Variants in LARS1 observed in about 807,000 individuals in gnomAD.
The protein encoded by LARS1 is leucyl-tRNA synthetase 1.
In LARS1, 100 loss-of-function variants were observed where a neutral mutation model predicts 162.8. The observed-to-expected ratio is 0.61, with a 90% confidence interval of 0.52 to 0.73. The LOEUF (loss-of-function observed/expected upper bound fraction) is 0.73. LARS1 is among the 30% of genes least tolerant of loss of function. The pLI is 0.00. For missense variants in LARS1, 1,258 were observed against 1,408.9 expected (o/e 0.89, Z 1.71); for synonymous variants, 457 against 462.8 (o/e 0.99, Z 0.16).
chr5:146,149,564 T>C, intron 15 of LARS1, 58 bp downstream of exon 15: 2 of 1,192,580 alleles, frequency 1.7e-6, no homozygotes, highest in Non-Finnish European at 2.5e-6. Context: ...CTAATAACAC[T>C]GTCAAGTCTA....
At chr5:146,116,503 T>C (rs576687695) in intron 31 of LARS1, among the ~76,000 whole-genome samples, 130 of 152,340 alleles carry the variant, frequency 8.5e-4, no homozygotes, top group African/African-American at 2.9e-3. Context: ...TGTTTCACCA[T>C]GTAGTTCATT....
chr5:146,159,134 A>C (rs1013670206), intron 8 of LARS1, among the ~76,000 whole-genome samples: 3 of 151,776 alleles, frequency 2.0e-5, no homozygotes, highest in African/African-American at 7.3e-5. Context: ...CCACCCCCAG[A>C]ACTTTTGATT....
intron 5 of LARS1, among the ~76,000 whole-genome samples, chr5:146,165,910 A>T (rs571000249): frequency 6.6e-6 from 1 of 152,344 alleles, no homozygotes; most frequent in Admixed American, 6.5e-5. Context: ...CAAATAAGCC[A>T]AGGGAAAATG....
intron 28 of LARS1, among the ~76,000 whole-genome samples, chr5:146,124,503 A>C (rs1291380603): frequency 6.6e-6 from 1 of 151,896 alleles, no homozygotes; most frequent in Non-Finnish European, 1.5e-5. Flanking sequence ...CCACCTTCTT[A>C]AAGCTGTTTC....
chr5:146,144,436 T>C, intron 17 of LARS1, 36 bp downstream of exon 17: 1 of 1,600,324 alleles, frequency 6.2e-7, no homozygotes, highest in Non-Finnish European at 8.5e-7. Flanking sequence ...ATTTTTCATC[T>C]CCTTTTTCCT....
In LARS1 at chr5:146,114,225, T is replaced by C; in HGVS notation, c.3412A>G (p.Lys1138Glu). The change falls in exon 32 of 32, where the codon AAG becomes GAG. Residue 1138 changes from lysine (K) to glutamate (E), a missense_variant. Transcript: ENST00000394434. ...ACAGCATGCTCAGAAATGGGGGTCT[T>C]CTCGGTGTACTCCTTTCCCAGGACA... Reference protein sequence around the residue: ...VPVLGKEYTEKTPISEHAVFN... With the variant: ...VPVLGKEYTEETPISEHAVFN... The C allele has an allele frequency of 6.2e-7, 1 of 1,613,890 alleles. No individual in the cohort carries two copies. Among genetic ancestry groups the C allele is most frequent in the South Asian group, 1.1e-5 (1 of 91,036 alleles).
intron 15 of LARS1, among the ~76,000 whole-genome samples, chr5:146,148,792 T>C (rs533944443): frequency 1.3e-5 from 2 of 152,008 alleles, no homozygotes; most frequent in East Asian, 3.9e-4. Context: ...GAGATGGAGA[T>C]TAGCCGGGCA....
At chr5:146,165,936 T>C (rs868823150) in intron 5 of LARS1, among the ~76,000 whole-genome samples, 8 of 152,300 alleles carry the variant, frequency 5.3e-5, no homozygotes, top group African/African-American at 1.9e-4. Flanking sequence ...ATGAGACCCA[T>C]GGTGCTAAAA....
intron 14 of LARS1, among the ~76,000 whole-genome samples, chr5:146,151,425 G>A (rs1753284106): frequency 6.6e-6 from 1 of 152,070 alleles, no homozygotes; most frequent in African/African-American, 2.4e-5. Flanking sequence ...GAAAAGAATG[G>A]TTCAGAACAT....
chr5:146,152,096 C>G, intron 13 of LARS1, 94 bp from the exon 14 acceptor site: 1 of 1,314,106 alleles, frequency 7.6e-7, no homozygotes, highest in Non-Finnish European at 1.1e-6. Context: ...CCAATTAAGT[C>G]ATTTCAGATT....
rs922071962 is a variant in LARS1 at position 146,114,317 on chromosome 5, A to G, written c.3326-6T>C. 5 of 1,610,676 alleles carry G rather than the reference A, an allele frequency of 3.1e-6. No individual in the cohort carries two copies. Among genetic ancestry groups the G allele is most frequent in the African/African-American group, 1.3e-5 (1 of 74,836 alleles). The stretch of plus-strand genomic sequence containing the variant: ...CAGTTTCACTTTGGAAAGGTCTACA[A>G]CAAAATAAATTATCAATATAAGCAT... On this transcript the variant is annotated splice_polypyrimidine_tract_variant and splice_region_variant and intron_variant, in intron 31 of 31. Transcript: ENST00000394434.
Position 146,152,600 on chromosome 5 carries a change from C to T in LARS1, c.1284+574G>A, listed in dbSNP as rs748269070. Among the ~76,000 whole-genome samples, 22 of 152,294 alleles carry T rather than the reference C, an allele frequency of 1.4e-4. 1 individual carries two copies. The Middle Eastern group carries it at 0.01, about 71-fold the overall frequency. ...AAAACCATTCCCCTACCACACCCTG[C>T]TGGTCCATGGAAAAATTGTCTTCCA... is the stretch of plus-strand genomic sequence containing the variant. On this transcript the variant is annotated intron_variant, in intron 13 of 31. Coordinates refer to ENST00000394434, the MANE Select transcript of LARS1 (RefSeq NM_020117.11).
At chr5:146,131,428 T>G (rs1368581224) in intron 23 of LARS1, 1 of 178,796 alleles carries the variant, frequency 5.6e-6, no homozygotes. Flanking sequence ...GATGGACACT[T>G]TATTCTTATA....
chr5:146,141,012 A>G (rs1752755139), intron 20 of LARS1, among the ~76,000 whole-genome samples: 1 of 152,178 alleles, frequency 6.6e-6, no homozygotes, highest in Non-Finnish European at 1.5e-5. Flanking sequence ...ATCACAAGAA[A>G]CCAATAGCAT....
intron 23 of LARS1, chr5:146,131,333 G>A: frequency 2.9e-6 from 1 of 346,804 alleles, no homozygotes; most frequent in Non-Finnish European, 5.2e-6. Flanking sequence ...TCTCTCTATT[G>A]TCTATCCATC....
chr5:146,120,825 G>A (rs2126370798), intron 30 of LARS1, among the ~76,000 whole-genome samples: 1 of 152,264 alleles, frequency 6.6e-6, no homozygotes. Flanking sequence ...ATCGACGTTA[G>A]TTCTATATCC....
rs34658033 is a variant in LARS1 at position 146,181,848 on chromosome 5, CTTTTTTTTTTTTTT to C, written c.6+626_6+639del. On this transcript the variant is annotated intron_variant, in intron 1 of 31. Transcript: ENST00000394434. The stretch of plus-strand genomic sequence containing the variant: ...TTTACGGAGAGGCGCTCAATTTTTT[CTTTTTTTTTTTTTT>C]TTTTTTTTTTTTTTTTTGCTGTAAG... Among the ~76,000 whole-genome samples, 27 of 53,042 alleles carry C rather than the reference CTTTTTTTTTTTTTT, an allele frequency of 5.1e-4. 2 individuals carry two copies. In the East Asian group the frequency reaches 8.4e-3, roughly 17 times the overall value. 34.8% of individuals were successfully genotyped at this position (53,042 alleles called of 152,430 possible). A position where few individuals can be genotyped will look rare whatever the true frequency, so the allele number is the denominator to read the frequency against.
At chr5:146,122,814 T>C (rs1036694072) in intron 29 of LARS1, among the ~76,000 whole-genome samples, 4 of 152,044 alleles carry the variant, frequency 2.6e-5, no homozygotes, top group Admixed American at 1.3e-4. Context: ...TGTTTATCAT[T>C]TTCTATAATG....
intron 31 of LARS1, among the ~76,000 whole-genome samples, chr5:146,117,563 T>C (rs1751612353): frequency 6.6e-6 from 1 of 152,180 alleles, no homozygotes; most frequent in Non-Finnish European, 1.5e-5. Context: ...TGAGCTGAGA[T>C]TGTGCCACTG....
Sources: allele counts gnomAD v4.1 joint callset (sites outside exome capture counted in the v4.1 genomes callset), GRCh38; gene constraint gnomAD v4.1.1; transcripts MANE v1.5; gene names NCBI Gene and HGNC (gene_info 2026-07-23, HGNC 2026-07-21).